Variants in ZNF892 observed in about 807,000 individuals in gnomAD.
ZNF892 encodes the protein zinc finger protein 892, also known as zinc finger protein 570-like.
chr2:95,221,260 A>G, the ZNF892 span, among the ~76,000 whole-genome samples: 1 of 152,246 alleles, frequency 6.6e-6, no homozygotes, highest in South Asian at 2.1e-4. Context: ...ACAGTGGTGT[A>G]GCCCAATAAA....
At chr2:95,233,002 G>C in the ZNF892 span, among the ~76,000 whole-genome samples, 2 of 152,112 alleles carry the variant, frequency 1.3e-5, no homozygotes, top group Non-Finnish European at 2.9e-5. Flanking sequence ...GCCTCATTAT[G>C]TGGGATGTCC....
At chr2:95,251,058 AT>A in the ZNF892 span, among the ~76,000 whole-genome samples, 12 of 151,116 alleles carry the variant, frequency 7.9e-5, no homozygotes, top group Non-Finnish European at 1.2e-4. Flanking sequence ...TTACATATTA[AT>A]AAATGCTTAT....
the ZNF892 span, chr2:95,214,604 G>A: frequency 2.5e-6 from 1 of 399,302 alleles, no homozygotes; most frequent in Non-Finnish European, 4.4e-6. Flanking sequence ...AGCAAGGAGA[G>A]AGACTACATC....
the ZNF892 span, among the ~76,000 whole-genome samples, chr2:95,217,331 C>T: frequency 7.2e-5 from 11 of 152,168 alleles, no homozygotes; most frequent in African/African-American, 1.2e-4. Flanking sequence ...AGAGGGGATA[C>T]GTTTAGTCCA....
the ZNF892 span, among the ~76,000 whole-genome samples, chr2:95,249,553 A>G: frequency 6.6e-6 from 1 of 151,832 alleles, no homozygotes; most frequent in Admixed American, 6.6e-5. Context: ...GGCCTTGATT[A>G]TAATTTTTAA....
the ZNF892 span, among the ~76,000 whole-genome samples, chr2:95,249,666 A>G: frequency 1.3e-5 from 2 of 152,098 alleles, no homozygotes; most frequent in African/African-American, 4.8e-5. Context: ...TTACCAATAT[A>G]CCATCTCATC....
At chr2:95,261,237 TCCTC>T in the ZNF892 span, among the ~76,000 whole-genome samples, 3 of 151,540 alleles carry the variant, frequency 2.0e-5, no homozygotes, top group Non-Finnish European at 2.9e-5. Context: ...TGACATTCCT[TCCTC>T]TGTGGCACTT....
the ZNF892 span, among the ~76,000 whole-genome samples, chr2:95,243,104 G>A: frequency 1.3e-5 from 2 of 152,144 alleles, no homozygotes; most frequent in Non-Finnish European, 2.9e-5. Context: ...CGCCAGCCTC[G>A]GCCTCCTGAG....
the ZNF892 span, chr2:95,214,948 A>G: frequency 2.0e-6 from 1 of 497,214 alleles, no homozygotes; most frequent in Non-Finnish European, 3.7e-6. Flanking sequence ...GAAAAACCCT[A>G]TGAATGCAAT....
At chr2:95,255,542 G>A in the ZNF892 span, among the ~76,000 whole-genome samples, 2 of 152,190 alleles carry the variant, frequency 1.3e-5, no homozygotes, top group East Asian at 1.9e-4. Flanking sequence ...GTGCTGAAAA[G>A]AATGTATATT....
the ZNF892 span, chr2:95,215,319 C>T: frequency 3.0e-4 from 140 of 464,598 alleles, no homozygotes; most frequent in Admixed American, 7.0e-4. Context: ...CTTCAGTGAC[C>T]GCTCAGCCCT....
chr2:95,215,639 A>G, the ZNF892 span: 2 of 398,684 alleles, frequency 5.0e-6, no homozygotes, highest in African/African-American at 2.1e-5. Context: ...GAGCATAGTT[A>G]TTGAGCATTT....
the ZNF892 span, among the ~76,000 whole-genome samples, chr2:95,255,780 A>G: frequency 1.3e-5 from 2 of 152,218 alleles, no homozygotes; most frequent in Non-Finnish European, 2.9e-5. Flanking sequence ...GGGTGCATAT[A>G]TATTTAGGAT....
the ZNF892 span, among the ~76,000 whole-genome samples, chr2:95,233,672 CAA>C: frequency 5.5e-3 from 193 of 35,138 alleles, 2 homozygotes; most frequent in African/African-American, 0.024. Flanking sequence ...GACTCCATCT[CAA>C]AAAAAAAAAA....
At chr2:95,242,838 C>T in the ZNF892 span, among the ~76,000 whole-genome samples, 326 of 152,012 alleles carry the variant, frequency 2.1e-3, 1 homozygote, top group Middle Eastern at 3.4e-3. Flanking sequence ...CCTCTCCCCA[C>T]GGTCTCCCTC....
chr2:95,249,589 G>A, the ZNF892 span, among the ~76,000 whole-genome samples: 4 of 151,822 alleles, frequency 2.6e-5, no homozygotes, highest in Non-Finnish European at 5.9e-5. Context: ...CTTTTACAGA[G>A]CAACCTAGAA....
the ZNF892 span, among the ~76,000 whole-genome samples, chr2:95,208,034 C>T: frequency 1.3e-5 from 2 of 152,208 alleles, no homozygotes; most frequent in Admixed American, 6.5e-5. Context: ...GCCTCCCTTG[C>T]TCAAGGGAAA....
At chr2:95,257,453 G>A in the ZNF892 span, among the ~76,000 whole-genome samples, 2 of 152,092 alleles carry the variant, frequency 1.3e-5, no homozygotes, top group Non-Finnish European at 1.5e-5. Flanking sequence ...AGGAGTACCC[G>A]GCCATGTGAG....
the ZNF892 span, among the ~76,000 whole-genome samples, chr2:95,245,584 G>GAAAA: frequency 1.5e-4 from 19 of 126,074 alleles, no homozygotes; most frequent in Non-Finnish European, 1.9e-4. Context: ...CTGGTTTTTT[G>GAAAA]AAAAAAAAAA....
Sources: gnomAD v4.1 joint callset for allele counts (sites outside exome capture counted in the v4.1 genomes callset) on GRCh38, gnomAD v4.1.1 for gene constraint, MANE v1.5 for transcripts, NCBI Gene and HGNC (gene_info 2026-07-23, HGNC 2026-07-21) for gene names.